Variants in DNAH9 observed in about 807,000 individuals in gnomAD.
The protein encoded by DNAH9 is DNAH9 variant protein.
In DNAH9, 345 loss-of-function variants were observed where a neutral mutation model predicts 471.6. The ratio of observed to expected loss-of-function variants is 0.73; its 90% CI spans 0.67 to 0.80. The LOEUF (loss-of-function observed/expected upper bound fraction) is 0.80, where lower values mean the gene tolerates loss of function less well. Ranked by LOEUF, DNAH9 falls within the 30% of genes least tolerant of loss-of-function variation. The pLI is 0.00. For missense variants in DNAH9, 5,407 were observed against 5,609.2 expected (o/e 0.96, Z 1.15); for synonymous variants, 2,093 against 2,123.6 (o/e 0.99, Z 0.40).
At chr17:11,721,506 T>C (rs2150805140) in intron 27 of DNAH9, among the ~76,000 whole-genome samples, 1 of 152,252 alleles carries the variant, frequency 6.6e-6, no homozygotes, top group South Asian at 2.1e-4. Flanking sequence ...TGTTCAGAAT[T>C]ATTTTTTATG....
intron 28 of DNAH9, among the ~76,000 whole-genome samples, chr17:11,731,398 T>TC (rs71142239): frequency 1.5e-4 from 1 of 6,874 alleles, no homozygotes; most frequent in Non-Finnish European, 1.6e-3. Context: ...AGGTCTTCTC[T>TC]TTTTTTTTTT....
chr17:11,952,652 G>A (rs1975430597), intron 67 of DNAH9, among the ~76,000 whole-genome samples: 1 of 152,012 alleles, frequency 6.6e-6, no homozygotes, highest in Non-Finnish European at 1.5e-5. Context: ...TCCCCATAAA[G>A]CACAATACTT....
intron 49 of DNAH9, among the ~76,000 whole-genome samples, chr17:11,840,152 T>C (rs545385492): frequency 3.3e-4 from 50 of 152,222 alleles, no homozygotes; most frequent in African/African-American, 1.1e-3. Flanking sequence ...AGCCAAAATA[T>C]GGAGAAAACA....
chr17:11,937,264 C>T lies in DNAH9; in HGVS notation c.12490-88C>T. 1.1e-5 allele frequency: 17 copies of T among 1,485,242 alleles called. No individual in the cohort carries two copies. Among genetic ancestry groups the T allele is most frequent in the Non-Finnish European group, 1.5e-5 (16 of 1,100,178 alleles). 92.0% of individuals were successfully genotyped at this position (1,485,242 alleles called of 1,614,324 possible). A position where few individuals can be genotyped will look rare whatever the true frequency, so the allele number is the denominator to read the frequency against. ...GTCCCCTGGAGGAGGGATACTAGCC[C>T]ATGGACTCCCTGCAGAGGACAAGCC... is the stretch of plus-strand genomic sequence containing the variant. On this transcript the variant is annotated intron_variant, in intron 65 of 68. Coordinates refer to ENST00000262442, the MANE Select transcript of DNAH9 (RefSeq NM_001372.4). The surrounding 1 kb of genome is among the most constrained non-coding windows in gnomAD (Gnocchi z 4.1).
rs181467134 is a variant in DNAH9 at position 11,876,492 on chromosome 17, T to A, written c.10478+1308T>A. ...AAGTTAAAAAAAAGGGAAAAAATTC[T>A]GACACATGCCACAACATGGATGAAT... is the stretch of plus-strand genomic sequence containing the variant. On this transcript the variant is annotated intron_variant, in intron 53 of 68. Coordinates refer to ENST00000262442, the MANE Select transcript of DNAH9 (RefSeq NM_001372.4). Among the ~76,000 whole-genome samples, 23 of 152,268 alleles carry A rather than the reference T, an allele frequency of 1.5e-4. No individual in the cohort carries two copies. In the South Asian group the frequency reaches 2.3e-3, roughly 15 times the overall value.
rs753922848 is a variant in DNAH9, at chr17:11,768,604, T to G, written c.7322T>G (p.Phe2441Cys). Residue 2441 changes from phenylalanine to cysteine, a missense_variant, in exon 37 of 69, where the codon TTT becomes TGT. By Grantham distance (205) the Phe-to-Cys change is radical (BLOSUM62 -2). Around this residue, in one of 3 missense-constraint regions of DNAH9, gnomAD observed 4,636 missense variants for 4,900.3 expected, o/e 0.95. Coordinates refer to ENST00000262442, the MANE Select transcript of DNAH9 (RefSeq NM_001372.4). Reference protein sequence around the residue: ...PWSKLVPQFEFDPEMPLQACL... With the variant: ...PWSKLVPQFECDPEMPLQACL... ...TCCAAGCTCGTCCCCCAGTTCGAAT[T>G]TGACCCCGAGATGCCCTTGCAGGTG... 5 of 1,613,956 alleles carry G rather than the reference T, an allele frequency of 3.1e-6. No homozygotes were observed. The South Asian group carries it at 4.4e-5, about 14-fold the overall frequency.
At position 11,952,309 on chromosome 17, in the gene DNAH9, C is replaced by CTTTTTTTTTTTTTT. The variant is rs753276964; in HGVS notation, c.12844-9543_12844-9530dup. Among the ~76,000 whole-genome samples, 5 of 71,086 alleles carry CTTTTTTTTTTTTTT rather than the reference C, an allele frequency of 7.0e-5. 1 individual carries two copies. The highest frequency in any genetic ancestry group is 3.1e-4 in the African/African-American group (5 of 16,114). The allele number at this position is 71,086 out of a possible 152,430, so 46.6% of individuals were successfully genotyped here. A position where few individuals can be genotyped will look rare whatever the true frequency, so the allele number is the denominator to read the frequency against. On this transcript the variant is annotated intron_variant, in intron 67 of 68. Transcript: ENST00000262442. ...CATGCACCATTACACCCAGCTAATT[C>CTTTTTTTTTTTTTT]TTTTTTTTTTTTTTTTTTTTTTTTT... is the stretch of plus-strand genomic sequence containing the variant.
intron 48 of DNAH9, among the ~76,000 whole-genome samples, chr17:11,832,277 G>T (rs1361694090): frequency 6.6e-6 from 1 of 151,646 alleles, no homozygotes; most frequent in Non-Finnish European, 1.5e-5. Flanking sequence ...AGTGCTGGTG[G>T]TTATTTACCT....
chr17:11,717,293 G>A (rs956690353), intron 26 of DNAH9, among the ~76,000 whole-genome samples: 1 of 152,148 alleles, frequency 6.6e-6, no homozygotes, highest in Non-Finnish European at 1.5e-5. Flanking sequence ...AGCACTTTGG[G>A]AGGCTGAGGT....
intron 50 of DNAH9, among the ~76,000 whole-genome samples, chr17:11,860,781 G>A (rs550405735): frequency 1.3e-5 from 2 of 152,154 alleles, no homozygotes; most frequent in African/African-American, 4.8e-5. Context: ...GGCTGGTCTC[G>A]AACTCCCGAC....
intron 38 of DNAH9, among the ~76,000 whole-genome samples, chr17:11,773,608 C>T (rs1035270939): frequency 1.3e-5 from 2 of 152,020 alleles, no homozygotes; most frequent in Non-Finnish European, 2.9e-5. Context: ...AGACAATCTC[C>T]AGAAGGACAC....
chr17:11,665,087 T>C (rs2150721519), intron 15 of DNAH9, 119 bp downstream of exon 15: 7 of 833,160 alleles, frequency 8.4e-6, no homozygotes, highest in Non-Finnish European at 1.3e-5. Flanking sequence ...TTGTAGACCT[T>C]TTGTGAATGA....
chr17:11,803,155 G>A (rs919616740), intron 43 of DNAH9, among the ~76,000 whole-genome samples: 4 of 152,044 alleles, frequency 2.6e-5, no homozygotes, highest in Non-Finnish European at 5.9e-5. Context: ...ACTGACTTTC[G>A]TCACCACTTC....
intron 43 of DNAH9, among the ~76,000 whole-genome samples, chr17:11,804,884 A>AT (rs1969609468): frequency 6.6e-6 from 1 of 151,828 alleles, no homozygotes; most frequent in Non-Finnish European, 1.5e-5. Flanking sequence ...AAAAAAAAAA[A>AT]AAAAAGTTCT....
At position 11,608,301 on chromosome 17, in the gene DNAH9, T is replaced by TGG. The variant is rs757635352; in HGVS notation, c.590_591insGG (p.Phe197LeufsTer14). The stretch of plus-strand genomic sequence containing the variant: ...CCAGCAGGCTCAGAAAAAATGGAGT[T>TGG]TGCGGATTCCAAAAGTGAGACAGTG... On this transcript the variant is annotated frameshift_variant, in exon 2 of 69. Coordinates refer to ENST00000262442, the MANE Select transcript of DNAH9 (RefSeq NM_001372.4). LOFTEE classifies it high-confidence loss of function. 1 of 1,610,986 alleles carries TGG rather than the reference T, an allele frequency of 6.2e-7. No individual in the cohort carries two copies.
intron 8 of DNAH9, among the ~76,000 whole-genome samples, chr17:11,635,377 T>A (rs2073143619): frequency 6.6e-6 from 1 of 150,738 alleles, no homozygotes; most frequent in Non-Finnish European, 1.5e-5. Flanking sequence ...AGACGGGTTT[T>A]GCCATGTTGG....
chr17:11,691,176 T>A (rs2074327875), intron 20 of DNAH9, among the ~76,000 whole-genome samples: 1 of 152,234 alleles, frequency 6.6e-6, no homozygotes, highest in East Asian at 1.9e-4. Context: ...AACATAGTTT[T>A]CCTGCTAATC....
In DNAH9 at chr17:11,756,688, G is replaced by A. The variant is rs373091082; in HGVS notation, c.6847+12G>A. On this transcript the variant is annotated intron_variant, in intron 34 of 68. Transcript: ENST00000262442. ...TGTCTCTAGAGCAGGTACGGCCCAA[G>A]AAGGGAAGAACCACAAAGCTACTCC... The A allele has an allele frequency of 3.9e-6, 6 of 1,547,138 alleles. No homozygotes were observed. Among genetic ancestry groups the A allele is most frequent in the Non-Finnish European group, 3.6e-6 (4 of 1,119,158 alleles).
Position 11,942,996 on chromosome 17 carries a change from C to T in DNAH9, c.12843+511C>T, listed in dbSNP as rs548823658. On this transcript the variant is annotated intron_variant, in intron 67 of 68. Coordinates refer to ENST00000262442, the MANE Select transcript of DNAH9 (RefSeq NM_001372.4). Reference sequence around the variant, plus strand: ...CTGCAAGCTCCACCTCCTGGGTTCACGCCATTCTCCTGCCTCAGCCTCCCG... The same window carrying T: ...CTGCAAGCTCCACCTCCTGGGTTCATGCCATTCTCCTGCCTCAGCCTCCCG... Among the ~76,000 whole-genome samples the T allele has an allele frequency of 5.3e-5, 8 of 150,512 alleles. No individual in the cohort carries two copies. The East Asian group carries it at 6.0e-4, about 11-fold the overall frequency.
Sources: gnomAD v4.1 joint callset for allele counts (sites outside exome capture counted in the v4.1 genomes callset) on GRCh38, gnomAD v4.1.1 for gene constraint, gnomAD v4.1.1 regional missense constraint, Gnocchi (gnomAD v3.1) non-coding constraint, MANE v1.5 for transcripts, NCBI Gene and HGNC (gene_info 2026-07-23, HGNC 2026-07-21) for gene names.